The following RAB38 variants were observed in gnomAD, a reference collection of about 807,000 sequenced individuals.
RAB38 encodes the protein RAB38, member RAS oncogene family.
In RAB38, 15 loss-of-function variants were observed where a neutral mutation model predicts 18.4. That is an observed-to-expected ratio of 0.82 (90% CI 0.55 to 1.26). RAB38 has a LOEUF of 1.26. RAB38 is among the 50% of genes most tolerant of loss of function. RAB38 has a pLI of 0.00. For missense variants in RAB38, 294 were observed against 267.4 expected (o/e 1.10, Z -0.69); for synonymous variants, 101 against 104.4 (o/e 0.97, Z 0.20).
the RAB38 span, among the ~76,000 whole-genome samples, chr11:87,846,951 G>T: frequency 1.3e-5 from 2 of 151,834 alleles, no homozygotes; most frequent in Non-Finnish European, 2.9e-5. Context: ...CCAATTACAA[G>T]AAAATCTATA....
chr11:88,150,008 C>T (rs1017280522), intron 1 of RAB38, 53 bp from the exon 2 acceptor site: 1 of 1,534,300 alleles, frequency 6.5e-7, no homozygotes. Context: ...CAAACTGAAT[C>T]ATATTATAAC....
chr11:87,860,835 G>A, the RAB38 span, among the ~76,000 whole-genome samples: 9 of 151,622 alleles, frequency 5.9e-5, no homozygotes, highest in Non-Finnish European at 2.9e-5. Context: ...TAATGAGTTG[G>A]AGATTTTTGG....
the RAB38 span, among the ~76,000 whole-genome samples, chr11:87,811,535 T>A: frequency 6.6e-6 from 1 of 152,180 alleles, no homozygotes; most frequent in Non-Finnish European, 1.5e-5. Flanking sequence ...TGTACCTCTT[T>A]TGCTTGCAGG....
At chr11:87,949,803 C>T in the RAB38 span, among the ~76,000 whole-genome samples, 2 of 152,198 alleles carry the variant, frequency 1.3e-5, no homozygotes, top group Non-Finnish European at 2.9e-5. Context: ...GAGTGCTTTA[C>T]TTCCAACTAT....
chr11:87,808,738 A>C, the RAB38 span, among the ~76,000 whole-genome samples: 4 of 152,194 alleles, frequency 2.6e-5, no homozygotes, highest in Admixed American at 2.6e-4. Context: ...ATATTTCAGT[A>C]AACTGTATAT....
At chr11:88,005,275 A>G in the RAB38 span, among the ~76,000 whole-genome samples, 1 of 151,412 alleles carries the variant, frequency 6.6e-6, no homozygotes, top group East Asian at 1.9e-4. Flanking sequence ...AATTTGGTAC[A>G]AGGTAGACAT....
At chr11:87,809,228 C>T in the RAB38 span, among the ~76,000 whole-genome samples, 1 of 152,128 alleles carries the variant, frequency 6.6e-6, no homozygotes, top group Non-Finnish European at 1.5e-5. Flanking sequence ...ACAAGAGCCA[C>T]ATCTAAAATA....
the RAB38 span, among the ~76,000 whole-genome samples, chr11:87,877,462 G>C: frequency 3.3e-5 from 5 of 151,456 alleles, no homozygotes; most frequent in Admixed American, 3.3e-4. Flanking sequence ...CCACACCCAT[G>C]CTATCTCCTT....
At chr11:88,027,990 G>C in the RAB38 span, among the ~76,000 whole-genome samples, 7 of 152,216 alleles carry the variant, frequency 4.6e-5, no homozygotes, top group African/African-American at 1.2e-4. Flanking sequence ...AGCAGGGGCA[G>C]ACTGACACCT....
chr11:88,085,964 C>T, the RAB38 span, among the ~76,000 whole-genome samples: 9 of 151,890 alleles, frequency 5.9e-5, no homozygotes, highest in Non-Finnish European at 1.3e-4. Context: ...CTTAGTGTAG[C>T]ATTATGACCA....
chr11:87,828,753 A>G, the RAB38 span, among the ~76,000 whole-genome samples: 1 of 137,714 alleles, frequency 7.3e-6, no homozygotes, highest in Non-Finnish European at 1.6e-5. Flanking sequence ...TTCTGTAATT[A>G]CTTTTTTTCA....
At chr11:87,837,030 A>G in the RAB38 span, among the ~76,000 whole-genome samples, 1 of 152,210 alleles carries the variant, frequency 6.6e-6, no homozygotes, top group Non-Finnish European at 1.5e-5. Flanking sequence ...AAATGGAGAT[A>G]TCAAGTAATC....
At chr11:87,863,355 T>C in the RAB38 span, among the ~76,000 whole-genome samples, 2 of 151,828 alleles carry the variant, frequency 1.3e-5, no homozygotes, top group African/African-American at 2.4e-5. Flanking sequence ...ACCCAACTTA[T>C]GGCAAATGAC....
At chr11:87,966,317 T>C in the RAB38 span, among the ~76,000 whole-genome samples, 1 of 152,074 alleles carries the variant, frequency 6.6e-6, no homozygotes, top group Non-Finnish European at 1.5e-5. Context: ...AACTATTATA[T>C]TTACATGTAG....
At chr11:88,117,676 C>G (rs1942574502) in intron 2 of RAB38, among the ~76,000 whole-genome samples, 1 of 152,314 alleles carries the variant, frequency 6.6e-6, no homozygotes, top group Non-Finnish European at 1.5e-5. Context: ...GGCCTGGAGA[C>G]AAACCCTTAT....
At chr11:87,969,412 T>C in the RAB38 span, among the ~76,000 whole-genome samples, 4 of 152,144 alleles carry the variant, frequency 2.6e-5, no homozygotes, top group African/African-American at 9.7e-5. Context: ...TGGCAGTAGG[T>C]TGACTATTTA....
chr11:87,875,260 T>C, the RAB38 span, among the ~76,000 whole-genome samples: 1 of 151,514 alleles, frequency 6.6e-6, no homozygotes, highest in African/African-American at 2.4e-5. Context: ...ATATATACAA[T>C]ATATAAAACA....
chr11:87,901,277 C>T, the RAB38 span, among the ~76,000 whole-genome samples: 169 of 151,572 alleles, frequency 1.1e-3, 1 homozygote, highest in African/African-American at 3.5e-3. Flanking sequence ...CTGTGTTTCC[C>T]TTATCCTTAC....
chr11:87,819,650 G>A, the RAB38 span, among the ~76,000 whole-genome samples: 2 of 148,726 alleles, frequency 1.3e-5, no homozygotes, highest in South Asian at 4.2e-4. Flanking sequence ...TACAAGTTAG[G>A]ATCTCTTGGA....
Sources: allele counts gnomAD v4.1 joint callset (sites outside exome capture counted in the v4.1 genomes callset), GRCh38; gene constraint gnomAD v4.1.1; transcripts MANE v1.5; gene names NCBI Gene and HGNC (gene_info 2026-07-23, HGNC 2026-07-21).